Variants in DNAJC15 observed in about 807,000 individuals in gnomAD.
DNAJC15 encodes dnaJ homolog subfamily C member 15.
A neutral mutation model predicts 22.4 loss-of-function variants in DNAJC15; 27 were observed. The observed-to-expected ratio is 1.20, with a 90% CI of 0.89 to 1.66. The LOEUF is 1.66. Among genes scored for constraint, DNAJC15 ranks in the 40% most tolerant of loss-of-function variants. The pLI is 0.00. For missense variants in DNAJC15, 208 were observed against 187.1 expected (o/e 1.11, Z -0.65); for synonymous variants, 79 against 63.2 (o/e 1.25, Z -1.19).
At chr13:43,032,821 T>C (rs538641592) in intron 1 of DNAJC15, among the ~76,000 whole-genome samples, 2 of 151,610 alleles carry the variant, frequency 1.3e-5, no homozygotes, top group Admixed American at 1.3e-4. Flanking sequence ...CAAGACTCTG[T>C]CTCAACAACA....
intron 1 of DNAJC15, among the ~76,000 whole-genome samples, chr13:43,042,931 C>G (rs1053130380): frequency 5.3e-5 from 8 of 152,042 alleles, no homozygotes; most frequent in Non-Finnish European, 1.2e-4. Flanking sequence ...TAACTGTCAC[C>G]ATGTTCCTGG....
chr13:43,057,551 G>C (rs1399464355), intron 1 of DNAJC15, among the ~76,000 whole-genome samples: 1 of 152,026 alleles, frequency 6.6e-6, no homozygotes, highest in Non-Finnish European at 1.5e-5. Context: ...TTTCTTTGGT[G>C]CCTCCTTGAG....
At chr13:43,058,034 T>G (rs1478227533) in intron 1 of DNAJC15, among the ~76,000 whole-genome samples, 1 of 152,090 alleles carries the variant, frequency 6.6e-6, no homozygotes, top group East Asian at 1.9e-4. Flanking sequence ...CTCTTTGTAG[T>G]TTTGTTTAGT....
Position 43,036,372 on chromosome 13 carries a change from T to C in DNAJC15, c.108+12638T>C, listed in dbSNP as rs547959840. Among the ~76,000 whole-genome samples, 13 of 152,272 alleles carry C rather than the reference T, an allele frequency of 8.5e-5. No homozygotes were observed. In the South Asian group the frequency reaches 2.7e-3, roughly 32 times the overall value. ...GAGACTGGAGTGGGTAGCTCCTATC[T>C]GCAGGCAGGTCATCCTGATAAGGGT... On this transcript the variant is annotated intron_variant, in intron 1 of 5. Transcript: ENST00000379221.
At chr13:43,102,535 G>A (rs111597144) in intron 5 of DNAJC15, among the ~76,000 whole-genome samples, 34 of 152,244 alleles carry the variant, frequency 2.2e-4, no homozygotes, top group South Asian at 1.2e-3. Flanking sequence ...CAGCACTTTG[G>A]GGGGAGGAGG....
intron 1 of DNAJC15, among the ~76,000 whole-genome samples, chr13:43,063,165 A>G (rs2040567380): frequency 1.3e-5 from 2 of 151,948 alleles, no homozygotes; most frequent in Admixed American, 6.6e-5. Flanking sequence ...ACACGCTCCC[A>G]TGCCCAGCTA....
chr13:43,045,376 G>C (rs1259455334), intron 1 of DNAJC15, among the ~76,000 whole-genome samples: 1 of 152,170 alleles, frequency 6.6e-6, no homozygotes, highest in Non-Finnish European at 1.5e-5. Context: ...GCTTTATTCA[G>C]CTGGGAGCAT....
Position 43,051,661 on chromosome 13 carries a change from G to GTGTGTGTGTGTGTGTGTGTA in DNAJC15, c.109-14024_109-14023insGTGTGTGTGTGTGTGTGTAT, listed in dbSNP as rs899772980. On this transcript the variant is annotated intron_variant, in intron 1 of 5. Coordinates refer to ENST00000379221, the MANE Select transcript of DNAJC15 (RefSeq NM_013238.3). ...TGTGTGTGTGTGTGTGTGTGTGTGTGTATATATATCACATTTTCTTTATCC... is the reference window on the plus strand; with the variant it reads ...TGTGTGTGTGTGTGTGTGTGTGTGTGTGTGTGTGTGTGTGTGTGTATATATATATCACATTTTCTTTATCC... Among the ~76,000 whole-genome samples, 7 of 78,108 alleles carry GTGTGTGTGTGTGTGTGTGTA rather than the reference G, an allele frequency of 9.0e-5. No homozygotes were observed. The East Asian group carries it at 2.1e-3, about 24-fold the overall frequency. 51.2% of individuals were successfully genotyped at this position (78,108 alleles called of 152,430 possible). A position where few individuals can be genotyped will look rare whatever the true frequency, so the allele number is the denominator to read the frequency against.
chr13:43,111,646 C>A lies in DNAJC15; in HGVS notation c.*4398C>A, dbSNP rs1157296299. 1.3e-5 allele frequency: 2 copies of A among 152,168 alleles called. No individual in the cohort carries two copies. Among genetic ancestry groups the A allele is most frequent in the Admixed American group, 6.5e-5 (1 of 15,276 alleles). 9.4% of individuals were successfully genotyped at this position (152,168 alleles called of 1,614,324 possible). ...ACCAACTTAAGATGAGCTACGGAGA[C>A]TGCAGTGAAAAGTTAAATATCCAAG... is the stretch of plus-strand genomic sequence containing the variant. On this transcript the variant is annotated 3_prime_UTR_variant, in exon 6 of 6. Coordinates refer to ENST00000379221, the MANE Select transcript of DNAJC15 (RefSeq NM_013238.3).
chr13:43,030,468 A>G (rs2040399396), intron 1 of DNAJC15, among the ~76,000 whole-genome samples: 1 of 152,208 alleles, frequency 6.6e-6, no homozygotes, highest in Non-Finnish European at 1.5e-5. Context: ...CACATAGACA[A>G]TAAATAAATG....
intron 1 of DNAJC15, among the ~76,000 whole-genome samples, chr13:43,060,550 C>T (rs950046224): frequency 1.1e-4 from 16 of 152,042 alleles, no homozygotes; most frequent in Non-Finnish European, 1.9e-4. Flanking sequence ...TTGTCATATA[C>T]CAGGCCAGAT....
intron 1 of DNAJC15, among the ~76,000 whole-genome samples, chr13:43,050,441 G>A (rs2040497527): frequency 6.6e-6 from 1 of 151,456 alleles, no homozygotes; most frequent in Admixed American, 6.6e-5. Flanking sequence ...AAGCAGCCAG[G>A]ACTACAGGCA....
chr13:43,037,960 A>G lies in DNAJC15; in HGVS notation c.108+14226A>G, dbSNP rs992159596. On this transcript the variant is annotated intron_variant, in intron 1 of 5. Transcript: ENST00000379221. Reference sequence around the variant, plus strand: ...TATAGCCTGCTTTTATTCTGTACTTAACATGTGGTTGCTAAACATTCCTCA... The same window carrying G: ...TATAGCCTGCTTTTATTCTGTACTTGACATGTGGTTGCTAAACATTCCTCA... Among the ~76,000 whole-genome samples the G allele has an allele frequency of 2.0e-5, 3 of 152,352 alleles. No individual in the cohort carries two copies. In the East Asian group the frequency reaches 5.8e-4, roughly 29 times the overall value.
At position 43,023,634 on chromosome 13, in the gene DNAJC15, C is replaced by T. The variant is rs1174294940; in HGVS notation, c.8C>T (p.Ala3Val). The T allele has an allele frequency of 2.5e-6, 4 of 1,610,552 alleles. No individual in the cohort carries two copies. Among genetic ancestry groups the T allele is most frequent in the East Asian group, 4.5e-5 (2 of 44,730 alleles). Residue 3 changes from alanine to valine, a missense_variant, in exon 1 of 6, where the codon GCC becomes GTC. By Grantham distance (64) the Ala-to-Val change is moderately conservative. Transcript: ENST00000379221. MA[A>V]RGVIAPVGES... Reference sequence around the variant, plus strand: ...TCTCCGGGCCGCCTTGCCATGGCTGCCCGTGGTGTCATCGCTCCAGTTGGC... The same window carrying T: ...TCTCCGGGCCGCCTTGCCATGGCTGTCCGTGGTGTCATCGCTCCAGTTGGC...
intron 1 of DNAJC15, among the ~76,000 whole-genome samples, chr13:43,049,820 C>G (rs1284592014): frequency 6.6e-6 from 1 of 152,134 alleles, no homozygotes; most frequent in Non-Finnish European, 1.5e-5. Flanking sequence ...ATACCAATGG[C>G]TTTTTAGCAA....
At chr13:43,049,109 A>G (rs2040491555) in intron 1 of DNAJC15, among the ~76,000 whole-genome samples, 1 of 152,096 alleles carries the variant, frequency 6.6e-6, no homozygotes, top group Admixed American at 6.5e-5. Context: ...GATTTCTTTT[A>G]TTTTCATATC....
chr13:43,034,385 G>A (rs1175193227), intron 1 of DNAJC15, among the ~76,000 whole-genome samples: 1 of 130,090 alleles, frequency 7.7e-6, no homozygotes, highest in African/African-American at 3.0e-5. Context: ...GCGCGATCTC[G>A]GCTCACTTCA....
intron 1 of DNAJC15, among the ~76,000 whole-genome samples, chr13:43,044,814 AC>A (rs2040468913): frequency 6.6e-6 from 1 of 151,704 alleles, no homozygotes; most frequent in East Asian, 1.9e-4. Flanking sequence ...GTATCTCACC[AC>A]TTTCCTCATT....
In DNAJC15 at chr13:43,111,778, A is replaced by G. The variant is rs1300841951; in HGVS notation, c.*4530A>G. On this transcript the variant is annotated 3_prime_UTR_variant, in exon 6 of 6. Transcript: ENST00000379221. ...GGCTCCTGGCTGCAAGGAGGATTTGATGGGAATGAGTAAATGTGTCAGCAT... is the reference window on the plus strand; with the variant it reads ...GGCTCCTGGCTGCAAGGAGGATTTGGTGGGAATGAGTAAATGTGTCAGCAT... 3 of 152,274 alleles carry G rather than the reference A, an allele frequency of 2.0e-5. No individual in the cohort carries two copies. The highest frequency in any genetic ancestry group is 4.8e-5 in the African/African-American group (2 of 41,460). The allele number at this position is 152,274 out of a possible 1,614,324, so 9.4% of individuals were successfully genotyped here.
Sources: gnomAD v4.1 joint callset for allele counts (sites outside exome capture counted in the v4.1 genomes callset) on GRCh38, gnomAD v4.1.1 for gene constraint, MANE v1.5 for transcripts, NCBI Gene and HGNC (gene_info 2026-07-23, HGNC 2026-07-21) for gene names.